The following FGGY variants were observed in gnomAD, a reference collection of about 807,000 sequenced individuals.
The protein encoded by FGGY is FGGY carbohydrate kinase domain containing, also known as FGGY carbohydrate kinase domain-containing protein.
Under a neutral mutation model 71.3 loss-of-function variants are expected in FGGY, and 72 were observed. The observed-to-expected ratio is 1.01, with a 90% CI of 0.84 to 1.23. The LOEUF (loss-of-function observed/expected upper bound fraction) is 1.23, where lower values mean the gene tolerates loss of function less well. Ranked by LOEUF, FGGY falls within the 50% of genes most tolerant of loss-of-function variation. The pLI is 0.00. For missense variants in FGGY, 668 were observed against 682.3 expected (o/e 0.98, Z 0.23); for synonymous variants, 251 against 250.3 (o/e 1.00, Z -0.02).
intron 8 of FGGY, among the ~76,000 whole-genome samples, chr1:59,582,540 C>G (rs147267733): frequency 2.7e-5 from 4 of 149,634 alleles, no homozygotes; most frequent in Non-Finnish European, 5.9e-5. Context: ...GCTTCCTGTC[C>G]CTCTGCCTAT....
chr1:59,371,202 A>G (rs1351939106), intron 4 of FGGY, among the ~76,000 whole-genome samples: 1 of 152,162 alleles, frequency 6.6e-6, no homozygotes, highest in African/African-American at 2.4e-5. Context: ...AAATAACAGG[A>G]TGGAGGAAGA....
intron 11 of FGGY, among the ~76,000 whole-genome samples, chr1:59,651,840 C>G (rs1478315580): frequency 1.3e-5 from 2 of 151,438 alleles, no homozygotes; most frequent in Non-Finnish European, 2.9e-5. Context: ...GCAGTTTCTT[C>G]CTAGTCTCGA....
At chr1:59,544,059 G>T (rs1476785081) in intron 7 of FGGY, among the ~76,000 whole-genome samples, 1 of 152,158 alleles carries the variant, frequency 6.6e-6, no homozygotes, top group Non-Finnish European at 1.5e-5. Context: ...GGGTTTCCTT[G>T]GGTCCTGGAC....
intron 5 of FGGY, among the ~76,000 whole-genome samples, chr1:59,422,153 A>G (rs1034213493): frequency 2.0e-5 from 3 of 152,220 alleles, no homozygotes; most frequent in Non-Finnish European, 4.4e-5. Flanking sequence ...TAGTGACGAT[A>G]CTTGGATAAC....
intron 10 of FGGY, among the ~76,000 whole-genome samples, chr1:59,634,598 G>T (rs2096938820): frequency 6.6e-6 from 1 of 152,048 alleles, no homozygotes; most frequent in Admixed American, 6.5e-5. Context: ...GTGATTTATG[G>T]AGAGGGAGAG....
intron 9 of FGGY, among the ~76,000 whole-genome samples, chr1:59,614,235 T>C (rs2153826125): frequency 6.6e-6 from 1 of 152,304 alleles, no homozygotes; most frequent in East Asian, 1.9e-4. Context: ...TGAACATCGA[T>C]GCAAAAATCC....
chr1:59,588,627 C>G (rs2096362038), intron 8 of FGGY, among the ~76,000 whole-genome samples: 1 of 151,980 alleles, frequency 6.6e-6, no homozygotes. Flanking sequence ...AGAGTGGGGG[C>G]CAATATTTAA....
intron 14 of FGGY, among the ~76,000 whole-genome samples, chr1:59,708,358 A>G (rs1252317348): frequency 6.6e-6 from 1 of 151,862 alleles, no homozygotes; most frequent in Non-Finnish European, 1.5e-5. Flanking sequence ...ACTGCTGTTT[A>G]CCTATTTCAG....
chr1:59,511,160 T>C lies in FGGY; in HGVS notation c.671-1151T>C, dbSNP rs1323756847. On this transcript the variant is annotated intron_variant, in intron 6 of 15. Transcript: ENST00000303721. ...TGTAGATAGAAGCTCTTAAAATGGA[T>C]AAAAATGGTGTCGTCAAAGTGCTTT... Among the ~76,000 whole-genome samples, 3 of 152,104 alleles carry C rather than the reference T, an allele frequency of 2.0e-5. No individual in the cohort carries two copies. The East Asian group carries it at 5.8e-4, about 29-fold the overall frequency.
chr1:59,475,710 G>T (rs4912213), intron 6 of FGGY, among the ~76,000 whole-genome samples: 66,541 of 151,968 alleles, frequency 0.44, 14,780 homozygotes, highest in Middle Eastern at 0.5. Flanking sequence ...AAGTGGACCC[G>T]GAATGAGGCA....
intron 5 of FGGY, among the ~76,000 whole-genome samples, chr1:59,390,655 G>A (rs1571494331): frequency 6.6e-6 from 1 of 152,036 alleles, no homozygotes; most frequent in African/African-American, 2.4e-5. Context: ...CTTTTATCTG[G>A]GTGTCTTCCT....
chr1:59,467,010 C>A (rs1026979323), intron 6 of FGGY, among the ~76,000 whole-genome samples: 15 of 152,040 alleles, frequency 9.9e-5, no homozygotes, highest in African/African-American at 3.1e-4. Context: ...GGGTATATAC[C>A]CACGGATTAT....
rs756806778 is a variant in FGGY at position 59,674,145 on chromosome 1, C to A, written c.1512+12C>A. 6.2e-6 allele frequency: 10 copies of A among 1,609,858 alleles called. No individual in the cohort carries two copies. Among genetic ancestry groups the A allele is most frequent in the Non-Finnish European group, 8.5e-6 (10 of 1,176,942 alleles). ...TCGCTTCTGTACAGGTATGTGAAGA[C>A]CAGGGGGTGGGCTGTGGCTCCTCCC... On this transcript the variant is annotated intron_variant, in intron 14 of 15. Coordinates refer to ENST00000303721, the MANE Select transcript of FGGY (RefSeq NM_018291.5).
chr1:59,689,114 G>A (rs1254076917), intron 14 of FGGY, among the ~76,000 whole-genome samples: 1 of 152,016 alleles, frequency 6.6e-6, no homozygotes, highest in East Asian at 1.9e-4. Context: ...ACAGACAGTT[G>A]GGTTAGAGAA....
At chr1:59,653,383 T>G (rs1182104045) in intron 11 of FGGY, among the ~76,000 whole-genome samples, 1 of 152,140 alleles carries the variant, frequency 6.6e-6, no homozygotes, top group Non-Finnish European at 1.5e-5. Flanking sequence ...GATCTCAGAC[T>G]GCTGTGCTAG....
At chr1:59,512,169 G>A (rs1410734507) in intron 6 of FGGY, 142 bp from the exon 7 acceptor site, 3 of 801,250 alleles carry the variant, frequency 3.7e-6, no homozygotes, top group African/African-American at 3.5e-5. Context: ...TGAGCAAAGG[G>A]ACTCTTGATG....
At chr1:59,382,114 A>G (rs1486366000) in intron 5 of FGGY, among the ~76,000 whole-genome samples, 1 of 152,208 alleles carries the variant, frequency 6.6e-6, no homozygotes, top group East Asian at 1.9e-4. Context: ...CAGAGGATAG[A>G]TAAACCTCTA....
intron 14 of FGGY, among the ~76,000 whole-genome samples, chr1:59,754,381 T>C (rs534800192): frequency 1.5e-5 from 2 of 134,904 alleles, no homozygotes; most frequent in African/African-American, 5.9e-5. Context: ...AATCCTTTCC[T>C]TTTTTTTTTG....
At position 59,628,499 on chromosome 1, in the gene FGGY, G is replaced by T. The variant is rs554326113; in HGVS notation, c.1073+2450G>T. ...TGGATTCAACTCTGGACCAGAGAAA[G>T]GACATTGGTGGAGGAAAACTGTTGA... On this transcript the variant is annotated intron_variant, in intron 10 of 15. Transcript: ENST00000303721. Among the ~76,000 whole-genome samples, 7 of 152,296 alleles carry T rather than the reference G, an allele frequency of 4.6e-5. No individual in the cohort carries two copies. In the South Asian group the frequency reaches 1.5e-3, roughly 32 times the overall value.
Sources: gnomAD v4.1 joint callset for allele counts (sites outside exome capture counted in the v4.1 genomes callset) on GRCh38, gnomAD v4.1.1 for gene constraint, MANE v1.5 for transcripts, NCBI Gene and HGNC (gene_info 2026-07-23, HGNC 2026-07-21) for gene names.